TULP4: variants seen among roughly 807,000 people sequenced by gnomAD.
TULP4 encodes tubby-related protein 4.
Under a neutral mutation model 129.0 loss-of-function variants are expected in TULP4, and 16 were observed. That is an observed-to-expected ratio of 0.12 (90% CI 0.08 to 0.19). TULP4 has a LOEUF of 0.19. Ranked by LOEUF, TULP4 falls within the 10% of genes least tolerant of loss-of-function variation. The pLI is 1.00. For missense variants in TULP4, 1,842 were observed against 2,059.1 expected (o/e 0.89, Z 2.04); for synonymous variants, 998 against 854.0 (o/e 1.17, Z -2.94).
chr6:158,271,924 C>A (rs1486106814), intron 1 of TULP4, among the ~76,000 whole-genome samples: 3 of 152,128 alleles, frequency 2.0e-5, no homozygotes, highest in Non-Finnish European at 4.4e-5. Context: ...TGGGGTAAGT[C>A]ATTGAAAGGA....
chr6:158,291,179 T>A (rs1486390452), intron 1 of TULP4, among the ~76,000 whole-genome samples: 4 of 152,252 alleles, frequency 2.6e-5, no homozygotes, highest in Non-Finnish European at 5.9e-5. Context: ...TTCTTAGACC[T>A]TCCTTCTGAG....
At chr6:158,276,800 A>AT (rs1159817704) in intron 1 of TULP4, among the ~76,000 whole-genome samples, 1 of 152,194 alleles carries the variant, frequency 6.6e-6, no homozygotes, top group Non-Finnish European at 1.5e-5. Context: ...TGTATATTGC[A>AT]TAAATATATA....
Position 158,314,088 on chromosome 6 carries a change from G to A in TULP4, c.72G>A (p.Gly24=). 6.2e-6 allele frequency: 10 copies of A among 1,614,228 alleles called. No individual in the cohort carries two copies. Among genetic ancestry groups the A allele is most frequent in the Non-Finnish European group, 8.5e-6 (10 of 1,180,048 alleles). The part of the protein sequence containing the change: ...DSNILCLSWK[G]RVPKSEKEKP... ...ACATCCTGTGCCTGTCCTGGAAGGG[G>A]CGTGTCCCCAAGAGTGAGAAGGAGA... Residue 24 remains glycine, a synonymous_variant, in exon 1 of 14, where the codon GGG becomes GGA. Transcript: ENST00000367097.
chr6:158,467,016 C>T (rs1779569081), intron 6 of TULP4, among the ~76,000 whole-genome samples: 2 of 152,144 alleles, frequency 1.3e-5, no homozygotes, highest in Non-Finnish European at 1.5e-5. Context: ...ACTTCACAGA[C>T]CCATTAGCCA....
chr6:158,447,653 A>G (rs902430109), intron 3 of TULP4, among the ~76,000 whole-genome samples: 11 of 152,190 alleles, frequency 7.2e-5, no homozygotes, highest in African/African-American at 1.2e-4. Flanking sequence ...CCACATAGCT[A>G]TGGACTGTCT....
intron 5 of TULP4, among the ~76,000 whole-genome samples, chr6:158,454,664 G>A (rs1462902187): frequency 1.3e-5 from 2 of 151,058 alleles, no homozygotes; most frequent in Non-Finnish European, 2.9e-5. Flanking sequence ...GGAGTGCGGT[G>A]GCACGATCTT....
At chr6:158,269,424 A>G (rs1267858105) in intron 1 of TULP4, among the ~76,000 whole-genome samples, 4 of 151,678 alleles carry the variant, frequency 2.6e-5, no homozygotes, top group African/African-American at 4.8e-5. Flanking sequence ...TCACTGGGAG[A>G]CTGAGAACAT....
chr6:158,272,107 G>A (rs1778562643), intron 1 of TULP4, among the ~76,000 whole-genome samples: 1 of 152,142 alleles, frequency 6.6e-6, no homozygotes, highest in Admixed American at 6.5e-5. Context: ...AGTCAGATGT[G>A]GCTACTGTCC....
chr6:158,242,457 T>A, intron 1 of TULP4: 1 of 975,524 alleles, frequency 1.0e-6, no homozygotes, highest in South Asian at 1.3e-5. Context: ...ATCATAGTGT[T>A]CCAAACGGTG....
chr6:158,310,775 A>G (rs1452545631), upstream of TULP4, among the ~76,000 whole-genome samples: 1 of 152,300 alleles, frequency 6.6e-6, no homozygotes, highest in Non-Finnish European at 1.5e-5. Context: ...TTTGCAACTT[A>G]AACTGTATAA....
At chr6:158,269,580 C>T (rs930115258) in intron 1 of TULP4, among the ~76,000 whole-genome samples, 4 of 151,876 alleles carry the variant, frequency 2.6e-5, no homozygotes, top group Non-Finnish European at 5.9e-5. Flanking sequence ...TTTTTTTCTC[C>T]GTGATTCTTC....
At chr6:158,404,725 G>C (rs1330283399) in intron 1 of TULP4, among the ~76,000 whole-genome samples, 1 of 147,926 alleles carries the variant, frequency 6.8e-6, no homozygotes, top group African/African-American at 2.5e-5. Flanking sequence ...GCAGCAAGCC[G>C]AGATTGCACC....
chr6:158,337,281 C>G (rs1384383931), intron 1 of TULP4, among the ~76,000 whole-genome samples: 1 of 151,830 alleles, frequency 6.6e-6, no homozygotes, highest in Non-Finnish European at 1.5e-5. Flanking sequence ...AGGTGCACAC[C>G]ACCATGCCCA....
At chr6:158,319,108 A>T (rs1779563492) in intron 1 of TULP4, among the ~76,000 whole-genome samples, 1 of 152,138 alleles carries the variant, frequency 6.6e-6, no homozygotes. Context: ...TTCAATGGCA[A>T]GACCTGGCCT....
chr6:158,503,076 G>A lies in TULP4; in HGVS notation c.3413G>A (p.Arg1138Lys), dbSNP rs1306373501. Residue 1138 changes from arginine (R) to lysine (K), a missense_variant, in exon 13 of 14, where the codon AGG becomes AAG. This residue lies in a region of TULP4 where 1,089 missense variants were observed against 987.1 expected (regional missense o/e 1.10). Transcript: ENST00000367097. This position sits in a 1 kb window ranked among gnomAD's most constrained non-coding sequence, Gnocchi z 4.3. ...GAGGATGTTTGGGTTCCTCAAGAAA[G>A]GACAGCACAGACTTCAGGGCCCAAC... ...LGEDVWVPQE[R>K]TAQTSGPNPL... 6.8e-6 allele frequency: 11 copies of A among 1,614,028 alleles called. No individual in the cohort carries two copies. The highest frequency in any genetic ancestry group is 6.7e-5 in the Admixed American group (4 of 60,004).
intron 1 of TULP4, among the ~76,000 whole-genome samples, chr6:158,276,926 C>T (rs1466196759): frequency 2.0e-5 from 3 of 151,524 alleles, no homozygotes; most frequent in African/African-American, 7.3e-5. Context: ...TTTTTTTGGT[C>T]TTTTTTTCCT....
chr6:158,481,228 G>T lies in TULP4; in HGVS notation c.1425G>T (p.Arg475=). Residue 475 remains arginine, a synonymous_variant, in exon 8 of 14, where the codon CGG becomes CGT. Transcript: ENST00000367097. ...LGGLVPILKG[R]RISKLRPEFV... ...GGCTTGTGCCCATCCTCAAAGGGCG[G>T]CGCATCAGCAAGCTGCGGCCAGAGT... is the stretch of plus-strand genomic sequence containing the variant. 6.2e-7 allele frequency: 1 copy of T among 1,614,238 alleles called. No homozygotes were observed. The highest frequency in any genetic ancestry group is 8.5e-7 in the Non-Finnish European group (1 of 1,180,040).
In TULP4 at chr6:158,349,749, C is replaced by T. The variant is rs548247584; in HGVS notation, c.252+35481C>T. ...GCAGAGGTGCTCCTCAATTCCCAGA[C>T]GGGGTGGCTGGGCAGAGGCACTCCT... is the stretch of plus-strand genomic sequence containing the variant. On this transcript the variant is annotated intron_variant, in intron 1 of 13. Transcript: ENST00000367097. 6.8e-4 allele frequency among the ~76,000 whole-genome samples: 80 copies of T among 117,746 alleles called. 1 individual carries two copies. The highest frequency in any genetic ancestry group is 2.0e-3 in the African/African-American group (60 of 29,864). The allele number at this position is 117,746 out of a possible 152,430, so 77.2% of individuals were successfully genotyped here. A position where few individuals can be genotyped will look rare whatever the true frequency, so the allele number is the denominator to read the frequency against.
At chr6:158,465,445 C>A (rs1393512611) in intron 6 of TULP4, among the ~76,000 whole-genome samples, 1 of 152,128 alleles carries the variant, frequency 6.6e-6, no homozygotes, top group Non-Finnish European at 1.5e-5. Flanking sequence ...GTGAATAATT[C>A]TTCTGTGAAC....
Sources: gnomAD v4.1 joint callset for allele counts (sites outside exome capture counted in the v4.1 genomes callset) on GRCh38, gnomAD v4.1.1 for gene constraint, gnomAD v4.1.1 regional missense constraint, Gnocchi (gnomAD v3.1) non-coding constraint, MANE v1.5 for transcripts, NCBI Gene and HGNC (gene_info 2026-07-23, HGNC 2026-07-21) for gene names.